Variants in BRD8 observed in about 807,000 individuals in gnomAD.
BRD8 encodes bromodomain containing 8.
Under a neutral mutation model 143.1 loss-of-function variants are expected in BRD8, and 67 were observed. The observed-to-expected ratio is 0.47, with a 90% CI of 0.38 to 0.57. The LOEUF (loss-of-function observed/expected upper bound fraction) is 0.57. BRD8 is among the 20% of genes least tolerant of loss of function. The pLI, the probability that BRD8 is intolerant of heterozygous loss-of-function variation, is 0.00. For missense variants in BRD8, 1,103 were observed against 1,503.0 expected (o/e 0.73, Z 4.40); for synonymous variants, 505 against 517.1 (o/e 0.98, Z 0.32).
At position 138,146,022 on chromosome 5, in the gene BRD8, C is replaced by G. The variant is rs1752134814; in HGVS notation, c.3279-144G>C. 3 of 584,122 alleles carry G rather than the reference C, an allele frequency of 5.1e-6. No homozygotes were observed. The East Asian group carries it at 8.5e-5, about 17-fold the overall frequency. 36.2% of individuals were successfully genotyped at this position (584,122 alleles called of 1,614,324 possible). ...ATCTCCCCTTATCTGGCCAAGCAGACTTAGTTATTAATATCTATTGTTTTC... is the reference window on the plus strand; with the variant it reads ...ATCTCCCCTTATCTGGCCAAGCAGAGTTAGTTATTAATATCTATTGTTTTC... On this transcript the variant is annotated intron_variant, in intron 23 of 26. Transcript: ENST00000254900.
chr5:138,143,037 C>A (rs1023634470), intron 25 of BRD8, among the ~76,000 whole-genome samples: 1 of 152,118 alleles, frequency 6.6e-6, no homozygotes, highest in Non-Finnish European at 1.5e-5. Context: ...GTAATCCCAG[C>A]ACTTTGGGAG....
At chr5:138,149,219 C>T (rs1339591457) in intron 23 of BRD8, among the ~76,000 whole-genome samples, 1 of 151,958 alleles carries the variant, frequency 6.6e-6, no homozygotes, top group African/African-American at 2.4e-5. Flanking sequence ...TCAGGTGATC[C>T]TCCCACCTCA....
At chr5:138,145,985 C>G in intron 23 of BRD8, 107 bp from the exon 24 acceptor site, 1 of 787,658 alleles carries the variant, frequency 1.3e-6, no homozygotes, top group Non-Finnish European at 2.1e-6. Flanking sequence ...TAATTAATAT[C>G]TGAAGCTTTT....
Position 138,140,804 on chromosome 5 carries a change from C to T in BRD8, c.3516G>A (p.Leu1172=). The change falls in exon 26 of 27, where the codon CTG becomes CTA. Residue 1172 remains leucine, a synonymous_variant. Coordinates refer to ENST00000254900, the MANE Select transcript of BRD8 (RefSeq NM_139199.2). ...TTACAGCATTTTGGAACATCAGCAT[C>T]AGGTCTCGCAGGAATTGGGCCATGG... ...IRTMAQFLRD[L]MLMFQNAVMY... is the part of the protein sequence containing the mutation. The T allele has an allele frequency of 6.2e-7, 1 of 1,614,140 alleles. No homozygotes were observed. Among genetic ancestry groups the T allele is most frequent in the Non-Finnish European group, 8.5e-7 (1 of 1,180,026 alleles).
rs370328814 is a variant in BRD8, at chr5:138,150,732, G to A, written c.3120+13C>T. On this transcript the variant is annotated intron_variant, in intron 22 of 26. Coordinates refer to ENST00000254900, the MANE Select transcript of BRD8 (RefSeq NM_139199.2). Reference sequence around the variant, plus strand: ...AAGACCAACAAGACAGCTGATTTAAGTTACTTTCTTACCTCTTCACTCTCT... The same window carrying A: ...AAGACCAACAAGACAGCTGATTTAAATTACTTTCTTACCTCTTCACTCTCT... 1 of 1,592,252 alleles carries A rather than the reference G, an allele frequency of 6.3e-7. No homozygotes were observed. Among genetic ancestry groups the A allele is most frequent in the Non-Finnish European group, 8.5e-7 (1 of 1,170,484 alleles).
Position 138,165,004 on chromosome 5 carries a change from T to C in BRD8, c.1441A>G (p.Lys481Glu). The C allele has an allele frequency of 3.1e-6, 5 of 1,614,202 alleles. No individual in the cohort carries two copies. The highest frequency in any genetic ancestry group is 4.2e-6 in the Non-Finnish European group (5 of 1,180,028). ...TCCTCAAAGTCCAGTCTCTCTTGCT[T>C]GACCGTCATTTCTGGTGCAGGGAGA... ...VPLPAPEMTVKQERLDFEETE... is the reference protein window; with the variant it reads ...VPLPAPEMTVEQERLDFEETE... Residue 481 changes from lysine to glutamate, a missense_variant, in exon 12 of 27, where the codon AAG (lysine) becomes GAG (glutamate). Lys to Glu is a moderately conservative substitution (Grantham distance 56). Coordinates refer to ENST00000254900, the MANE Select transcript of BRD8 (RefSeq NM_139199.2).
chr5:138,173,542 T>C (rs541283584), intron 2 of BRD8, among the ~76,000 whole-genome samples: 54 of 150,946 alleles, frequency 3.6e-4, no homozygotes, highest in Middle Eastern at 6.8e-3. Flanking sequence ...GTGATGTGTA[T>C]ACACACACAC....
At position 138,145,857 on chromosome 5, in the gene BRD8, G is replaced by A. The variant is rs1752127041; in HGVS notation, c.3300C>T (p.Asp1100=). The A allele has an allele frequency of 6.2e-7, 1 of 1,613,810 alleles. No individual in the cohort carries two copies. Among genetic ancestry groups the A allele is most frequent in the East Asian group, 2.2e-5 (1 of 44,846 alleles). The part of the protein sequence containing the change: ...SSKLTDLSQD[D]PVQDHLLFKK... Reference sequence around the variant, plus strand: ...TAAATAGCAAATGATCCTGAACAGGGTCATCCTGGCTTAGATCAGTCCTAT... The same window carrying A: ...TAAATAGCAAATGATCCTGAACAGGATCATCCTGGCTTAGATCAGTCCTAT... The change falls in exon 24 of 27, where the codon GAC becomes GAT. Residue 1100 remains aspartate (D), a synonymous_variant. Coordinates refer to ENST00000254900, the MANE Select transcript of BRD8 (RefSeq NM_139199.2).
intron 20 of BRD8, among the ~76,000 whole-genome samples, chr5:138,154,964 G>A (rs1481215424): frequency 4.0e-5 from 6 of 151,100 alleles, no homozygotes; most frequent in Non-Finnish European, 8.9e-5. Context: ...CGCGTAACTG[G>A]GATTACAGGC....
chr5:138,149,418 C>T (rs570514443), intron 23 of BRD8, among the ~76,000 whole-genome samples: 48 of 152,212 alleles, frequency 3.2e-4, no homozygotes, highest in South Asian at 1.9e-3. Flanking sequence ...CACACCTAGC[C>T]TTGAAAGACA....
At position 138,163,259 on chromosome 5, in the gene BRD8, C is replaced by T. The variant is rs1309674949; in HGVS notation, c.1958G>A (p.Gly653Asp). 2 of 1,614,142 alleles carry T rather than the reference C, an allele frequency of 1.2e-6. No individual in the cohort carries two copies. Among genetic ancestry groups the T allele is most frequent in the Admixed American group, 3.3e-5 (2 of 60,012 alleles). Residue 653 changes from glycine to aspartate, a missense_variant, in exon 15 of 27, where the codon GGC becomes GAC. Gly to Asp is a moderately conservative substitution (Grantham distance 94, BLOSUM62 -1). Coordinates refer to ENST00000254900, the MANE Select transcript of BRD8 (RefSeq NM_139199.2). Reference sequence around the variant, plus strand: ...TTCATTATCCATTTCTGACAAGTAGCCTTCTCCTTGATCCTCTTCCTTAGG... The same window carrying T: ...TTCATTATCCATTTCTGACAAGTAGTCTTCTCCTTGATCCTCTTCCTTAGG... ...EEPKEEDQGE[G>D]YLSEMDNEPP...
At chr5:138,167,823 A>G in intron 9 of BRD8, 111 bp downstream of exon 9, 1 of 964,648 alleles carries the variant, frequency 1.0e-6, no homozygotes, top group Non-Finnish European at 1.7e-6. Flanking sequence ...AAGTTAGAAA[A>G]AGTTGGGCTT....
rs770881216 is a variant in BRD8 at position 138,161,769 on chromosome 5, T to C, written c.2249+27A>G. 4 of 1,599,246 alleles carry C rather than the reference T, an allele frequency of 2.5e-6. No individual in the cohort carries two copies. The Admixed American group carries it at 5.1e-5, about 21-fold the overall frequency. Reference sequence around the variant, plus strand: ...TGGACAATTTATAATTCAGGCAAGTTACCATGCTGGGTGGACCATGGCTCA... The same window carrying C: ...TGGACAATTTATAATTCAGGCAAGTCACCATGCTGGGTGGACCATGGCTCA... On this transcript the variant is annotated intron_variant, in intron 17 of 26. Transcript: ENST00000254900.
intron 25 of BRD8, among the ~76,000 whole-genome samples, chr5:138,143,144 G>A (rs947372244): frequency 4.6e-5 from 7 of 151,844 alleles, no homozygotes; most frequent in Admixed American, 4.6e-4. Context: ...AATTAGCCGG[G>A]CATGGTGGCA....
At position 138,164,857 on chromosome 5, in the gene BRD8, G is replaced by T. The variant is rs1413459382; in HGVS notation, c.1588C>A (p.Pro530Thr). 1 of 1,614,140 alleles carries T rather than the reference G, an allele frequency of 6.2e-7. No individual in the cohort carries two copies. The highest frequency in any genetic ancestry group is 1.1e-5 in the South Asian group (1 of 91,078). The change falls in exon 12 of 27, where the codon CCA becomes ACA. Residue 530 changes from proline to threonine, a missense_variant. Pro to Thr is a conservative substitution (Grantham distance 38, BLOSUM62 -1). Coordinates refer to ENST00000254900, the MANE Select transcript of BRD8 (RefSeq NM_139199.2). Reference sequence around the variant, plus strand: ...TCTGGTGGCTCCATACTTGTGGCTGGAACAACTCCAGCTACTATTTCGGCT... The same window carrying T: ...TCTGGTGGCTCCATACTTGTGGCTGTAACAACTCCAGCTACTATTTCGGCT... ...SGAEIVAGVV[P>T]ATSMEPPELR...
At chr5:138,160,257 A>T (rs1752899882) in intron 18 of BRD8, 84 bp from the exon 19 acceptor site, 1 of 912,774 alleles carries the variant, frequency 1.1e-6, no homozygotes, top group African/African-American at 1.6e-5. Context: ...TGTAAATAGA[A>T]CTTTGTATAG....
At chr5:138,170,478 C>T in intron 6 of BRD8, 69 bp from the exon 7 acceptor site, 1 of 1,574,964 alleles carries the variant, frequency 6.3e-7, no homozygotes, top group East Asian at 2.2e-5. Flanking sequence ...AGAACCCTTA[C>T]AAAGTAATTT....
chr5:138,156,298 C>G lies in BRD8; in HGVS notation c.2577+3257G>C, dbSNP rs1423626252. 2.6e-5 allele frequency among the ~76,000 whole-genome samples: 4 copies of G among 152,232 alleles called. No individual in the cohort carries two copies. In the East Asian group the frequency reaches 7.7e-4, roughly 29 times the overall value. Reference sequence around the variant, plus strand: ...GGGACTACAGACATGCGCCACCACGCCCAGCTAATTTTTGTATTTTTTGTA... The same window carrying G: ...GGGACTACAGACATGCGCCACCACGGCCAGCTAATTTTTGTATTTTTTGTA... On this transcript the variant is annotated intron_variant, in intron 20 of 26. Coordinates refer to ENST00000254900, the MANE Select transcript of BRD8 (RefSeq NM_139199.2).
chr5:138,153,134 C>T (rs561629643), intron 20 of BRD8, among the ~76,000 whole-genome samples: 70 of 152,230 alleles, frequency 4.6e-4, no homozygotes, highest in Non-Finnish European at 8.4e-4. Flanking sequence ...ATAACTAAAC[C>T]GTAAGGCAAA....
Sources: gnomAD v4.1 joint callset for allele counts (sites outside exome capture counted in the v4.1 genomes callset) on GRCh38, gnomAD v4.1.1 for gene constraint, MANE v1.5 for transcripts, NCBI Gene and HGNC (gene_info 2026-07-23, HGNC 2026-07-21) for gene names.